The following ADGRG6 variants were observed in gnomAD, a reference collection of about 807,000 sequenced individuals.
The protein encoded by ADGRG6 is adhesion G protein-coupled receptor G6, also known as G-protein coupled receptor 126.
In ADGRG6, 84 loss-of-function variants were observed where a neutral mutation model predicts 142.4. The observed-to-expected ratio is 0.59, with a 90% confidence interval of 0.49 to 0.71. ADGRG6 has a LOEUF of 0.71. Among genes scored for constraint, ADGRG6 ranks in the 30% least tolerant of loss-of-function variants. ADGRG6 has a pLI of 0.00. For synonymous variants in ADGRG6, 521 were observed against 520.5 expected (o/e 1.00, Z -0.01); for missense variants, 1,367 against 1,466.6 (o/e 0.93, Z 1.11).
chr6:142,307,430 T>G (rs1217788252), intron 1 of ADGRG6, among the ~76,000 whole-genome samples: 1 of 152,002 alleles, frequency 6.6e-6, no homozygotes, highest in Admixed American at 6.6e-5. Context: ...GTGCTTTTGT[T>G]TTAAAAGCAT....
chr6:142,334,513 T>C (rs1779218879), intron 2 of ADGRG6, among the ~76,000 whole-genome samples: 1 of 152,180 alleles, frequency 6.6e-6, no homozygotes, highest in East Asian at 1.9e-4. Flanking sequence ...GAGGAAAAGC[T>C]ACAGGAAGTA....
At chr6:142,374,737 A>G (rs1229717289) in intron 4 of ADGRG6, among the ~76,000 whole-genome samples, 3 of 152,208 alleles carry the variant, frequency 2.0e-5, no homozygotes, top group Non-Finnish European at 4.4e-5. Context: ...CTCCTTGTCT[A>G]GTATTTATGT....
chr6:142,361,861 G>C (rs1780733508), intron 2 of ADGRG6, among the ~76,000 whole-genome samples: 1 of 151,562 alleles, frequency 6.6e-6, no homozygotes, highest in African/African-American at 2.4e-5. Context: ...AGAGAGAATA[G>C]TTTCCCACGA....
intron 22 of ADGRG6, among the ~76,000 whole-genome samples, chr6:142,427,144 G>C (rs1298247948): frequency 3.3e-5 from 5 of 152,118 alleles, no homozygotes; most frequent in Admixed American, 1.3e-4. Context: ...TCAGAAAATG[G>C]CATTATCTTT....
At chr6:142,440,161 A>T (rs947602159) in intron 24 of ADGRG6, among the ~76,000 whole-genome samples, 4 of 152,220 alleles carry the variant, frequency 2.6e-5, no homozygotes, top group African/African-American at 9.6e-5. Flanking sequence ...AGAAAGGGCT[A>T]TAGGATTCGG....
At chr6:142,426,545 TC>T (rs777522279) in intron 22 of ADGRG6, among the ~76,000 whole-genome samples, 14 of 152,298 alleles carry the variant, frequency 9.2e-5, no homozygotes, top group Non-Finnish European at 1.6e-4. Context: ...CTGTGACTTT[TC>T]CAGGCACACA....
chr6:142,321,151 A>G (rs1049157262), intron 2 of ADGRG6, among the ~76,000 whole-genome samples: 1 of 152,046 alleles, frequency 6.6e-6, no homozygotes, highest in Non-Finnish European at 1.5e-5. Flanking sequence ...GAAGCAGGGC[A>G]TAAAACTGAG....
intron 6 of ADGRG6, among the ~76,000 whole-genome samples, chr6:142,387,087 A>G (rs1424919098): frequency 1.3e-5 from 2 of 152,222 alleles, no homozygotes; most frequent in Non-Finnish European, 2.9e-5. Context: ...TGTGTACACT[A>G]AGAAAGTCTT....
At chr6:142,357,292 T>C (rs1398266172) in intron 2 of ADGRG6, among the ~76,000 whole-genome samples, 1 of 152,154 alleles carries the variant, frequency 6.6e-6, no homozygotes, top group African/African-American at 2.4e-5. Context: ...ATACCTGAGA[T>C]CTATATGAAA....
intron 4 of ADGRG6, among the ~76,000 whole-genome samples, chr6:142,373,131 G>A (rs1045888197): frequency 1.3e-5 from 2 of 152,164 alleles, no homozygotes; most frequent in Admixed American, 6.5e-5. Context: ...AACTTATCCA[G>A]TGTCTCTTAA....
intron 2 of ADGRG6, among the ~76,000 whole-genome samples, chr6:142,316,098 G>C (rs1778051171): frequency 6.6e-6 from 1 of 151,968 alleles, no homozygotes; most frequent in East Asian, 1.9e-4. Context: ...GAATTATTAG[G>C]TCTTTCATGT....
chr6:142,432,668 C>A (rs1002659775), intron 22 of ADGRG6, among the ~76,000 whole-genome samples: 1 of 152,108 alleles, frequency 6.6e-6, no homozygotes, highest in Admixed American at 6.5e-5. Flanking sequence ...TGATATAGGG[C>A]AGCACTATAC....
chr6:142,341,470 T>C (rs1341804962), intron 2 of ADGRG6, among the ~76,000 whole-genome samples: 8 of 118,606 alleles, frequency 6.7e-5, no homozygotes, highest in Non-Finnish European at 1.3e-4. Flanking sequence ...ATATATAATA[T>C]TATGTAGTAT....
At chr6:142,305,701 T>C (rs1358807128) in intron 1 of ADGRG6, among the ~76,000 whole-genome samples, 2 of 152,174 alleles carry the variant, frequency 1.3e-5, no homozygotes, top group Non-Finnish European at 2.9e-5. Flanking sequence ...TTTCCCAAGC[T>C]TTATGTGTAG....
rs146060223 is a variant in ADGRG6, at chr6:142,405,642, A to G, written c.2128-46A>G. On this transcript the variant is annotated intron_variant, in intron 14 of 24. Transcript: ENST00000367609. The stretch of plus-strand genomic sequence containing the variant: ...ATACATGTGGAATAAAGTTATTACC[A>G]TTCAATTATGATTACTTGACCAATA... The G allele has an allele frequency of 2.0e-4, 300 of 1,491,774 alleles. No homozygotes were observed. The African/African-American group carries it at 3.7e-3, about 18-fold the overall frequency. The allele number at this position is 1,491,774 out of a possible 1,614,324, so 92.4% of individuals were successfully genotyped here. A position where few individuals can be genotyped will look rare whatever the true frequency, so the allele number is the denominator to read the frequency against.
intron 15 of ADGRG6, among the ~76,000 whole-genome samples, chr6:142,407,432 C>T (rs1775865090): frequency 6.6e-6 from 1 of 151,850 alleles, no homozygotes; most frequent in South Asian, 2.1e-4. Context: ...TGTGATTATT[C>T]CAAAACAACT....
chr6:142,397,930 CTG>C (rs992490953), intron 10 of ADGRG6, among the ~76,000 whole-genome samples, 175 bp downstream of exon 10: 1 of 151,854 alleles, frequency 6.6e-6, no homozygotes, highest in African/African-American at 2.4e-5. Flanking sequence ...AGCTCAGTGT[CTG>C]TGAATCCAAG....
chr6:142,386,615 G>A (rs1021692347), intron 6 of ADGRG6, among the ~76,000 whole-genome samples: 1 of 152,142 alleles, frequency 6.6e-6, no homozygotes, highest in Admixed American at 6.5e-5. Context: ...CAATATGGGG[G>A]TTTGCCGAGT....
intron 4 of ADGRG6, among the ~76,000 whole-genome samples, chr6:142,379,382 T>C (rs1248127804): frequency 6.6e-6 from 1 of 152,236 alleles, no homozygotes; most frequent in African/African-American, 2.4e-5. Flanking sequence ...TGCTTCTGTT[T>C]CCCTTCTTTT....
Sources: gnomAD v4.1 joint callset for allele counts (sites outside exome capture counted in the v4.1 genomes callset) on GRCh38, gnomAD v4.1.1 for gene constraint, MANE v1.5 for transcripts, NCBI Gene and HGNC (gene_info 2026-07-23, HGNC 2026-07-21) for gene names.